The following MAST2 variants were observed in gnomAD, a reference collection of about 807,000 sequenced individuals.
MAST2 encodes microtubule associated serine/threonine kinase 2, also known as microtubule-associated serine/threonine-protein kinase 2.
A neutral mutation model predicts 147.4 loss-of-function variants in MAST2; 70 were observed. The ratio of observed to expected loss-of-function variants is 0.47; its 90% CI spans 0.39 to 0.58. MAST2 has a LOEUF of 0.58. Among genes scored for constraint, MAST2 ranks in the 20% least tolerant of loss-of-function variants. The probability of loss-of-function intolerance (pLI) is 0.00; values close to 1 mark genes in which losing one functional copy is unlikely to be tolerated. For missense variants in MAST2, 2,080 were observed against 2,302.3 expected (o/e 0.90, Z 1.98); for synonymous variants, 869 against 896.8 (o/e 0.97, Z 0.55).
chr1:45,982,872 A>G (rs546831478), intron 5 of MAST2, among the ~76,000 whole-genome samples: 4 of 152,282 alleles, frequency 2.6e-5, no homozygotes, highest in East Asian at 3.9e-4. Flanking sequence ...CTAACTCTAT[A>G]TGGATGGCAT....
chr1:46,034,068 C>T lies in MAST2; in HGVS notation c.3675-5C>T, dbSNP rs371840680. Reference sequence around the variant, plus strand: ...CGACTCAGCCTTTGACCCTTATCCCCGCAGCAGAAAAAGGAGCTCCCTGTT... The same window carrying T: ...CGACTCAGCCTTTGACCCTTATCCCTGCAGCAGAAAAAGGAGCTCCCTGTT... On this transcript the variant is annotated splice_polypyrimidine_tract_variant and splice_region_variant and intron_variant, in intron 27 of 28. Coordinates refer to ENST00000361297, the MANE Select transcript of MAST2 (RefSeq NM_015112.3). 137 of 1,611,962 alleles carry T rather than the reference C, an allele frequency of 8.5e-5. No homozygotes were observed. In the Middle Eastern group the frequency reaches 8.4e-3, roughly 99 times the overall value.
At position 46,029,955 on chromosome 1, in the gene MAST2, T is replaced by TA; in HGVS notation, c.2443+4dup. On this transcript the variant is annotated splice_region_variant and intron_variant, in intron 20 of 28. Transcript: ENST00000361297. ...AGGATGATACTAGCTATTTTGACAG[T>TA]AAGGCCACCGATGGGTGGGGTGGAG... is the stretch of plus-strand genomic sequence containing the variant. 1 of 1,614,062 alleles carries TA rather than the reference T, an allele frequency of 6.2e-7. No individual in the cohort carries two copies. Among genetic ancestry groups the TA allele is most frequent in the Middle Eastern group, 1.6e-4 (1 of 6,062 alleles).
intron 5 of MAST2, among the ~76,000 whole-genome samples, chr1:45,976,205 G>C (rs963487751): frequency 4.6e-5 from 7 of 151,986 alleles, no homozygotes; most frequent in African/African-American, 1.7e-4. Flanking sequence ...TTGAACTCCT[G>C]ACCTCAGGTG....
chr1:45,961,803 G>C (rs951405147), intron 5 of MAST2, among the ~76,000 whole-genome samples: 1 of 152,002 alleles, frequency 6.6e-6, no homozygotes, highest in African/African-American at 2.4e-5. Flanking sequence ...TTAAGTTCTA[G>C]GGTACATGTG....
Position 45,967,609 on chromosome 1 carries a change from C to T in MAST2, c.592+8132C>T, listed in dbSNP as rs575596773. ...ATCATAAAGGTCTTCGCCTCATCAT[C>T]TTCACATTGAGTAGGCTGAGGAAGA... On this transcript the variant is annotated intron_variant, in intron 5 of 28. Coordinates refer to ENST00000361297, the MANE Select transcript of MAST2 (RefSeq NM_015112.3). Among the ~76,000 whole-genome samples, 3 of 152,266 alleles carry T rather than the reference C, an allele frequency of 2.0e-5. No individual in the cohort carries two copies. The East Asian group carries it at 5.8e-4, about 29-fold the overall frequency.
chr1:45,987,762 G>GTTTTTTTTTTTTTTTTTT (rs11462786), intron 5 of MAST2, among the ~76,000 whole-genome samples: 1 of 62,734 alleles, frequency 1.6e-5, no homozygotes, highest in Non-Finnish European at 2.8e-5. Context: ...AGCATTTCTT[G>GTTTTTTTTTTTTTTTTTT]TTTTTTTTTT....
At chr1:45,940,239 C>T (rs1401649812) in intron 4 of MAST2, among the ~76,000 whole-genome samples, 3 of 151,958 alleles carry the variant, frequency 2.0e-5, no homozygotes, top group African/African-American at 7.3e-5. Context: ...GTGATCCACC[C>T]GCCTCGGCCT....
At chr1:45,819,252 CAA>C (rs35652191) in intron 1 of MAST2, among the ~76,000 whole-genome samples, 267 of 112,752 alleles carry the variant, frequency 2.4e-3, no homozygotes, top group African/African-American at 5.5e-3. Flanking sequence ...AAGTCTGTCT[CAA>C]AAAAAAAAAA....
At chr1:45,978,295 C>T (rs1261269295) in intron 5 of MAST2, among the ~76,000 whole-genome samples, 19 of 152,238 alleles carry the variant, frequency 1.2e-4, no homozygotes, top group African/African-American at 4.1e-4. Context: ...GGGCAGATCA[C>T]TTGAGGCCAG....
chr1:45,930,816 T>G (rs1203187073), intron 4 of MAST2, among the ~76,000 whole-genome samples: 3 of 152,116 alleles, frequency 2.0e-5, no homozygotes, highest in African/African-American at 7.2e-5. Flanking sequence ...AAGCTAATAA[T>G]GAAGTTTACA....
chr1:45,818,624 TAA>T (rs1391200287), intron 1 of MAST2, among the ~76,000 whole-genome samples: 1 of 152,242 alleles, frequency 6.6e-6, no homozygotes, highest in Non-Finnish European at 1.5e-5. Context: ...TGTGTAGTTC[TAA>T]GAGATGATTG....
At chr1:45,879,984 A>T (rs1196005909) in intron 3 of MAST2, among the ~76,000 whole-genome samples, 2 of 152,212 alleles carry the variant, frequency 1.3e-5, no homozygotes, top group Non-Finnish European at 2.9e-5. Context: ...TAGGATGTGA[A>T]GCAGTTGAAA....
intron 16 of MAST2, 95 bp downstream of exon 16, chr1:46,025,910 GGCTACCGGGAAAACAT>G: frequency 2.0e-6 from 3 of 1,498,928 alleles, no homozygotes; most frequent in Non-Finnish European, 2.8e-6. Flanking sequence ...CTATCCAGAT[GGCTACCGGGAAAACAT>G]GCTCCTGTGT....
In MAST2 at chr1:45,997,229, C is replaced by T. The variant is rs557957128; in HGVS notation, c.593-495C>T. Among the ~76,000 whole-genome samples, 3 of 152,320 alleles carry T rather than the reference C, an allele frequency of 2.0e-5. No individual in the cohort carries two copies. The East Asian group carries it at 5.8e-4, about 29-fold the overall frequency. The stretch of plus-strand genomic sequence containing the variant: ...GAACTATCTTAAGGTTTACTACTAT[C>T]CTGAGTCCCTACCTGAGAACTTCTC... On this transcript the variant is annotated intron_variant, in intron 5 of 28. Coordinates refer to ENST00000361297, the MANE Select transcript of MAST2 (RefSeq NM_015112.3).
intron 5 of MAST2, among the ~76,000 whole-genome samples, chr1:45,990,252 A>T (rs370677809): frequency 6.6e-6 from 1 of 152,218 alleles, no homozygotes; most frequent in Non-Finnish European, 1.5e-5. Flanking sequence ...GGTATGTATG[A>T]GTATCCAATT....
At chr1:46,015,396 T>C (rs1645893623) in intron 10 of MAST2, among the ~76,000 whole-genome samples, 1 of 152,140 alleles carries the variant, frequency 6.6e-6, no homozygotes, top group South Asian at 2.1e-4. Context: ...GCTGGTTTTT[T>C]GAAAGGATCA....
intron 3 of MAST2, among the ~76,000 whole-genome samples, chr1:45,851,747 A>G (rs1441851601): frequency 1.3e-5 from 2 of 152,112 alleles, no homozygotes; most frequent in African/African-American, 4.8e-5. Context: ...TTGACCTAAT[A>G]GAAAAAATTT....
rs1646548678 is a variant in MAST2, at chr1:46,029,485, G to A, written c.2238G>A (p.Glu746=). Residue 746 remains glutamate, a synonymous_variant, in exon 19 of 29, where the codon GAG becomes GAA. Transcript: ENST00000361297. ...QVISDEIVWP[E]GDEALPPDAQ... Reference sequence around the variant, plus strand: ...CTTCAGATGAGATTGTGTGGCCTGAGGGTGATGAGGCACTGCCCCCAGACG... The same window carrying A: ...CTTCAGATGAGATTGTGTGGCCTGAAGGTGATGAGGCACTGCCCCCAGACG... 2 of 1,613,976 alleles carry A rather than the reference G, an allele frequency of 1.2e-6. No individual in the cohort carries two copies. The highest frequency in any genetic ancestry group is 2.7e-5 in the African/African-American group (2 of 74,922).
chr1:45,901,193 G>A (rs1486333485), intron 4 of MAST2, among the ~76,000 whole-genome samples: 1 of 152,030 alleles, frequency 6.6e-6, no homozygotes, highest in Non-Finnish European at 1.5e-5. Flanking sequence ...TGAGAGATAG[G>A]GGTCCAGTTT....
Sources: allele counts gnomAD v4.1 joint callset (sites outside exome capture counted in the v4.1 genomes callset), GRCh38; gene constraint gnomAD v4.1.1; transcripts MANE v1.5; gene names NCBI Gene and HGNC (gene_info 2026-07-23, HGNC 2026-07-21).